AKAP6: variants seen among roughly 807,000 people sequenced by gnomAD.
AKAP6 encodes A-kinase anchoring protein 6.
Under a neutral mutation model 188.5 loss-of-function variants are expected in AKAP6, and 58 were observed. The ratio of observed to expected loss-of-function variants is 0.31; its 90% CI spans 0.25 to 0.38. The LOEUF (loss-of-function observed/expected upper bound fraction) is 0.38. Among genes scored for constraint, AKAP6 ranks in the 10% least tolerant of loss-of-function variants. The pLI is 1.00. For missense variants in AKAP6, 2,710 were observed against 2,740.0 expected, an observed-to-expected ratio of 0.99 and a Z score of 0.24; for synonymous variants, 989 against 998.6, an observed-to-expected ratio of 0.99 and a Z score of 0.18.
chr14:32,694,566 A>C (rs1439710905), intron 8 of AKAP6, among the ~76,000 whole-genome samples: 1 of 152,156 alleles, frequency 6.6e-6, no homozygotes, highest in East Asian at 1.9e-4. Context: ...TAACTACATC[A>C]ACTATAACCG....
intron 1 of AKAP6, among the ~76,000 whole-genome samples, chr14:32,356,701 C>T (rs1023821759): frequency 6.6e-6 from 1 of 152,002 alleles, no homozygotes; most frequent in Non-Finnish European, 1.5e-5. Context: ...TTGTTCTGTC[C>T]ATATTCCCTT....
chr14:32,686,485 A>C (rs771888697), intron 8 of AKAP6, among the ~76,000 whole-genome samples: 5 of 152,174 alleles, frequency 3.3e-5, no homozygotes, highest in Non-Finnish European at 4.4e-5. Context: ...TATTGAGAGG[A>C]TAGATGCCCA....
chr14:32,617,379 A>G (rs1402916547), intron 7 of AKAP6, among the ~76,000 whole-genome samples: 2 of 152,108 alleles, frequency 1.3e-5, no homozygotes, highest in Non-Finnish European at 2.9e-5. Flanking sequence ...TCTCAATTTT[A>G]TCAATTCCCA....
chr14:32,471,634 A>G (rs1878786263), intron 2 of AKAP6, among the ~76,000 whole-genome samples: 1 of 152,134 alleles, frequency 6.6e-6, no homozygotes, highest in African/African-American at 2.4e-5. Context: ...CTCTCACCCA[A>G]TTTGGGTAGG....
At chr14:32,608,087 G>A (rs1025142194) in intron 7 of AKAP6, among the ~76,000 whole-genome samples, 4 of 152,120 alleles carry the variant, frequency 2.6e-5, no homozygotes, top group South Asian at 2.1e-4. Flanking sequence ...ATGTATGGGT[G>A]GATCTAAGAT....
intron 1 of AKAP6, 38 bp from the exon 2 acceptor site, chr14:32,433,422 G>C: frequency 1.5e-6 from 2 of 1,372,220 alleles, no homozygotes; most frequent in Non-Finnish European, 2.0e-6. Context: ...TGGCAATCTT[G>C]ACTGACTCTT....
At chr14:32,656,501 G>T (rs1026023921) in intron 7 of AKAP6, among the ~76,000 whole-genome samples, 1 of 152,110 alleles carries the variant, frequency 6.6e-6, no homozygotes, top group Non-Finnish European at 1.5e-5. Context: ...TGACTCACCT[G>T]GGAAACTAAG....
chr14:32,758,631 G>A (rs1180599141), intron 11 of AKAP6, among the ~76,000 whole-genome samples: 2 of 152,100 alleles, frequency 1.3e-5, no homozygotes, highest in Admixed American at 6.5e-5. Flanking sequence ...TGCTTGGGAG[G>A]CTGAGGCAGG....
intron 8 of AKAP6, among the ~76,000 whole-genome samples, chr14:32,695,047 G>T (rs1890346531): frequency 6.6e-6 from 1 of 152,178 alleles, no homozygotes; most frequent in South Asian, 2.1e-4. Flanking sequence ...TGTTTTAGAA[G>T]AATCTGGGCT....
chr14:32,557,218 C>A (rs974143282), intron 4 of AKAP6, among the ~76,000 whole-genome samples: 3 of 152,140 alleles, frequency 2.0e-5, no homozygotes, highest in African/African-American at 7.2e-5. Context: ...TACCCAGTAG[C>A]TGGGACTACA....
At chr14:32,817,784 AAAC>A (rs1269201669) in intron 12 of AKAP6, among the ~76,000 whole-genome samples, 3 of 152,258 alleles carry the variant, frequency 2.0e-5, no homozygotes, top group South Asian at 2.1e-4. Context: ...TCCTCTGGGA[AAAC>A]AACAACAACA....
At chr14:32,755,594 C>T (rs536626632) in intron 11 of AKAP6, among the ~76,000 whole-genome samples, 1 of 152,090 alleles carries the variant, frequency 6.6e-6, no homozygotes, top group South Asian at 2.1e-4. Context: ...GCAGCATGAT[C>T]TTGGGTCACT....
intron 5 of AKAP6, among the ~76,000 whole-genome samples, chr14:32,588,310 G>A (rs1406322851): frequency 6.6e-6 from 1 of 152,138 alleles, no homozygotes; most frequent in Non-Finnish European, 1.5e-5. Context: ...GTGTGGATAT[G>A]CCACAGTTTA....
intron 12 of AKAP6, among the ~76,000 whole-genome samples, chr14:32,775,430 A>G (rs1246992666): frequency 1.5e-5 from 2 of 135,402 alleles, no homozygotes; most frequent in African/African-American, 2.7e-5. Context: ...AGACATTTTT[A>G]TCCTTTTTTT....
At chr14:32,337,825 G>A (rs1886761299) in intron 1 of AKAP6, among the ~76,000 whole-genome samples, 1 of 151,148 alleles carries the variant, frequency 6.6e-6, no homozygotes, top group Non-Finnish European at 1.5e-5. Flanking sequence ...AAGTTGAAAG[G>A]CAGAGGATGG....
At chr14:32,348,025 A>T (rs1284417061) in intron 1 of AKAP6, among the ~76,000 whole-genome samples, 1 of 152,210 alleles carries the variant, frequency 6.6e-6, no homozygotes, top group African/African-American at 2.4e-5. Flanking sequence ...AGCCACATGG[A>T]CCCTGAAGGC....
chr14:32,369,347 A>G (rs1395796534), intron 1 of AKAP6, among the ~76,000 whole-genome samples: 1 of 152,254 alleles, frequency 6.6e-6, no homozygotes, highest in Admixed American at 6.5e-5. Context: ...ACTGTTAGAC[A>G]AAGTCATTAG....
At chr14:32,387,582 C>A (rs1350833623) in intron 1 of AKAP6, among the ~76,000 whole-genome samples, 1 of 149,360 alleles carries the variant, frequency 6.7e-6, no homozygotes, top group Admixed American at 6.7e-5. Flanking sequence ...AATGCTTTTT[C>A]TGCATCTATT....
intron 2 of AKAP6, among the ~76,000 whole-genome samples, chr14:32,518,403 A>C (rs574078293): frequency 2.0e-5 from 3 of 152,324 alleles, no homozygotes; most frequent in African/African-American, 7.2e-5. Context: ...CTCTGAGCTA[A>C]AGGAGGATGT....
Sources: allele counts gnomAD v4.1 joint callset (sites outside exome capture counted in the v4.1 genomes callset), GRCh38; gene constraint gnomAD v4.1.1; transcripts MANE v1.5; gene names NCBI Gene and HGNC (gene_info 2026-07-23, HGNC 2026-07-21).